Variants in ZNF609 observed in about 807,000 individuals in gnomAD.
ZNF609 encodes zinc finger protein 609.
In ZNF609, 11 loss-of-function variants were observed where a neutral mutation model predicts 109.5. That is an observed-to-expected ratio of 0.10 (90% confidence interval 0.06 to 0.17). The LOEUF (loss-of-function observed/expected upper bound fraction) is 0.17, where lower values mean the gene tolerates loss of function less well. Ranked by LOEUF, ZNF609 falls within the 10% of genes least tolerant of loss-of-function variation. The pLI is 1.00. For synonymous variants in ZNF609, 646 were observed against 662.0 expected (o/e 0.98, Z 0.37); for missense variants, 1,559 against 1,772.4 (o/e 0.88, Z 2.16).
At position 64,559,080 on chromosome 15, in the gene ZNF609, A is replaced by C. The variant is rs577733023; in HGVS notation, c.747+58914A>C. Among the ~76,000 whole-genome samples, 11 of 152,320 alleles carry C rather than the reference A, an allele frequency of 7.2e-5. No homozygotes were observed. In the South Asian group the frequency reaches 2.3e-3, roughly 32 times the overall value. On this transcript the variant is annotated intron_variant, in intron 2 of 9. Coordinates refer to ENST00000326648, the MANE Select transcript of ZNF609 (RefSeq NM_015042.2). ...CTTCTGTGGCTTTGGCTGGAATGTG[A>C]GTAAATTTCCAGAGAGGATACATAA...
intron 3 of ZNF609, among the ~76,000 whole-genome samples, chr15:64,650,008 G>A (rs939233227): frequency 4.0e-5 from 6 of 151,786 alleles, no homozygotes; most frequent in African/African-American, 1.5e-4. Flanking sequence ...CAGGTATATC[G>A]TGGCATGTGC....
rs2083222677 is a variant in ZNF609, at chr15:64,683,373, C to A, written c.*1687C>A. 1 of 152,582 alleles carries A rather than the reference C, an allele frequency of 6.6e-6. No homozygotes were observed. Among genetic ancestry groups the A allele is most frequent in the Non-Finnish European group, 1.5e-5 (1 of 68,046 alleles). The allele number at this position is 152,582 out of a possible 1,614,324, so 9.5% of individuals were successfully genotyped here. ...CCAGTAGTAGTTGATTTCCAAGGAC[C>A]CTGGAACCCTACACTTGAGAGGCTT... is the stretch of plus-strand genomic sequence containing the variant. On this transcript the variant is annotated 3_prime_UTR_variant, in exon 10 of 10. Transcript: ENST00000326648.
intron 2 of ZNF609, among the ~76,000 whole-genome samples, chr15:64,552,787 T>C (rs891954388): frequency 7.9e-5 from 12 of 152,146 alleles, no homozygotes; most frequent in Admixed American, 2.0e-4. Flanking sequence ...TAGCTGGGAC[T>C]ACAGGCACAT....
chr15:64,659,692 G>A (rs768673541), intron 3 of ZNF609, among the ~76,000 whole-genome samples: 7 of 152,222 alleles, frequency 4.6e-5, no homozygotes, highest in Non-Finnish European at 7.4e-5. Context: ...CAGAATAATT[G>A]TATCTAGAAT....
chr15:64,628,160 G>A (rs1287429473), intron 3 of ZNF609, among the ~76,000 whole-genome samples: 3 of 151,882 alleles, frequency 2.0e-5, no homozygotes, highest in Admixed American at 6.6e-5. Context: ...TCAGGGCCAG[G>A]CACAGTGGCT....
intron 2 of ZNF609, among the ~76,000 whole-genome samples, chr15:64,600,367 A>G (rs1321669506): frequency 6.7e-6 from 1 of 149,476 alleles, no homozygotes; most frequent in Non-Finnish European, 1.5e-5. Flanking sequence ...GGAGAATGGC[A>G]TGAACCCTGG....
chr15:64,626,763 T>A (rs1336159028), intron 3 of ZNF609, among the ~76,000 whole-genome samples: 1 of 152,208 alleles, frequency 6.6e-6, no homozygotes, highest in Non-Finnish European at 1.5e-5. Flanking sequence ...TCCTGCAGAT[T>A]CCATTTCTTT....
At chr15:64,548,920 C>T (rs764474819) in intron 2 of ZNF609, among the ~76,000 whole-genome samples, 6 of 152,068 alleles carry the variant, frequency 3.9e-5, no homozygotes, top group African/African-American at 7.2e-5. Flanking sequence ...AGAAATCTTT[C>T]TTCTGTTCAT....
intron 2 of ZNF609, among the ~76,000 whole-genome samples, chr15:64,612,613 C>G (rs1031185970): frequency 4.8e-5 from 7 of 146,092 alleles, no homozygotes; most frequent in Non-Finnish European, 5.9e-5. Context: ...GGAAGCTCAG[C>G]AGTCCAGGAG....
intron 2 of ZNF609, among the ~76,000 whole-genome samples, chr15:64,589,614 G>A (rs74710408): frequency 2.2e-4 from 34 of 152,120 alleles, no homozygotes; most frequent in Admixed American, 6.5e-4. Context: ...TCCATTTGTC[G>A]TAATCATTAT....
chr15:64,477,145 T>C (rs909186322), intron 1 of ZNF609, among the ~76,000 whole-genome samples: 3 of 146,604 alleles, frequency 2.0e-5, no homozygotes, highest in Non-Finnish European at 3.0e-5. Flanking sequence ...TCTTTTTTTT[T>C]TTTTTTTTTT....
intron 2 of ZNF609, among the ~76,000 whole-genome samples, chr15:64,579,235 A>G (rs1895053193): frequency 6.6e-6 from 1 of 151,902 alleles, no homozygotes; most frequent in Non-Finnish European, 1.5e-5. Flanking sequence ...TAGAACAGAG[A>G]AAACAAAAAG....
At chr15:64,670,626 C>G (rs973025984) in intron 4 of ZNF609, among the ~76,000 whole-genome samples, 193 bp downstream of exon 4, 2 of 152,116 alleles carry the variant, frequency 1.3e-5, no homozygotes, top group Non-Finnish European at 2.9e-5. Context: ...CGCCTGTAAT[C>G]CCAGCACTTT....
intron 2 of ZNF609, among the ~76,000 whole-genome samples, chr15:64,504,220 A>C (rs2140353468): frequency 6.6e-6 from 1 of 152,122 alleles, no homozygotes; most frequent in Admixed American, 6.5e-5. Context: ...TCATTCAGAA[A>C]CTCTGTTTTC....
At chr15:64,533,081 T>C (rs1184072380) in intron 2 of ZNF609, among the ~76,000 whole-genome samples, 1 of 151,828 alleles carries the variant, frequency 6.6e-6, no homozygotes, top group Admixed American at 6.6e-5. Flanking sequence ...AGACAGAGTC[T>C]GCTCTGTCAC....
intron 2 of ZNF609, among the ~76,000 whole-genome samples, chr15:64,513,035 AAATT>A (rs2140359081): frequency 6.6e-6 from 1 of 152,034 alleles, no homozygotes; most frequent in East Asian, 1.9e-4. Flanking sequence ...TTTTAATAAT[AAATT>A]AATATAAAAA....
chr15:64,489,241 A>G (rs1893375414), intron 1 of ZNF609, among the ~76,000 whole-genome samples: 1 of 151,224 alleles, frequency 6.6e-6, no homozygotes, highest in African/African-American at 2.4e-5. Context: ...GATGGAGTGC[A>G]GTGGCGCGAT....
Position 64,491,062 on chromosome 15 carries a change from A to G in ZNF609, c.-127-8231A>G, listed in dbSNP as rs188410735. ...GCTCTTTTAGTCTGTTCTTTATCTA[A>G]TCTCCATTGGAGATATAAGCTGAAA... is the stretch of plus-strand genomic sequence containing the variant. On this transcript the variant is annotated intron_variant, in intron 1 of 9. Coordinates refer to ENST00000326648, the MANE Select transcript of ZNF609 (RefSeq NM_015042.2). 8.5e-5 allele frequency among the ~76,000 whole-genome samples: 13 copies of G among 152,296 alleles called. No individual in the cohort carries two copies. In the East Asian group the frequency reaches 2.5e-3, roughly 29 times the overall value.
In ZNF609 at chr15:64,598,742, GTATATATATATA is replaced by G. The variant is rs1169879124; in HGVS notation, c.748-24051_748-24040del. The stretch of plus-strand genomic sequence containing the variant: ...CTGTCCATCATACATCTTTGTGTGT[GTATATATATATA>G]TATATATATATATATATATATATAT... On this transcript the variant is annotated intron_variant, in intron 2 of 9. Transcript: ENST00000326648. Among the ~76,000 whole-genome samples the G allele has an allele frequency of 9.7e-3, 585 of 60,270 alleles. 7 individuals are homozygous for G. The highest frequency in any genetic ancestry group is 0.036 in the East Asian group (65 of 1,808). The allele number at this position is 60,270 out of a possible 152,430, so 39.5% of individuals were successfully genotyped here.
Sources: gnomAD v4.1 joint callset for allele counts (sites outside exome capture counted in the v4.1 genomes callset) on GRCh38, gnomAD v4.1.1 for gene constraint, MANE v1.5 for transcripts, NCBI Gene and HGNC (gene_info 2026-07-23, HGNC 2026-07-21) for gene names.